The following TLN2 variants were observed in gnomAD, a reference collection of about 807,000 sequenced individuals.
TLN2 encodes the protein talin 2, also known as talin-2.
A neutral mutation model predicts 294.7 loss-of-function variants in TLN2; 118 were observed. That is an observed-to-expected ratio of 0.40 (90% CI 0.34 to 0.47). TLN2 has a LOEUF of 0.47. Ranked by LOEUF, TLN2 falls within the 20% of genes least tolerant of loss-of-function variation. The pLI is 0.84. For missense variants in TLN2, 3,083 were observed against 3,282.2 expected (o/e 0.94, Z 1.48); for synonymous variants, 1,431 against 1,304.5 (o/e 1.10, Z -2.09).
In TLN2 at chr15:62,553,953, G is replaced by A. The variant is rs973814691; in HGVS notation, c.-237-35734G>A. Among the ~76,000 whole-genome samples, 4 of 107,548 alleles carry A rather than the reference G, an allele frequency of 3.7e-5. No homozygotes were observed. In the Admixed American group the frequency reaches 3.9e-4, roughly 11 times the overall value. 70.6% of individuals were successfully genotyped at this position (107,548 alleles called of 152,430 possible). A position where few individuals can be genotyped will look rare whatever the true frequency, so the allele number is the denominator to read the frequency against. On this transcript the variant is annotated intron_variant, in intron 1 of 58. Transcript: ENST00000636159. ...TAATCTAATCTTTTTTTTTTTTTTTGCCAGTAGCTAGAGCTACAGAACATA... is the reference window on the plus strand; with the variant it reads ...TAATCTAATCTTTTTTTTTTTTTTTACCAGTAGCTAGAGCTACAGAACATA...
intron 1 of TLN2, among the ~76,000 whole-genome samples, chr15:62,589,375 A>G (rs1262482158): frequency 6.6e-6 from 1 of 152,214 alleles, no homozygotes; most frequent in African/African-American, 2.4e-5. Flanking sequence ...TTCGACATTG[A>G]GGGAGGTGGA....
intron 1 of TLN2, among the ~76,000 whole-genome samples, chr15:62,577,801 G>A (rs142369009): frequency 0.013 from 1,923 of 152,100 alleles, 39 homozygotes; most frequent in African/African-American, 0.044. Flanking sequence ...CCATCAACTC[G>A]TCATTTACAT....
At chr15:62,726,278 G>C (rs796968057) in intron 27 of TLN2, among the ~76,000 whole-genome samples, 3 of 152,298 alleles carry the variant, frequency 2.0e-5, no homozygotes, top group South Asian at 4.1e-4. Flanking sequence ...AATGGACCAG[G>C]CTCTATTTTT....
intron 1 of TLN2, among the ~76,000 whole-genome samples, chr15:62,568,776 G>A (rs1252703663): frequency 6.6e-6 from 1 of 152,188 alleles, no homozygotes; most frequent in East Asian, 1.9e-4. Flanking sequence ...GTCCTCCTGA[G>A]CTCTCCTGCA....
chr15:62,646,481 CT>C (rs1245188360), intron 3 of TLN2, among the ~76,000 whole-genome samples: 1 of 152,138 alleles, frequency 6.6e-6, no homozygotes, highest in Non-Finnish European at 1.5e-5. Flanking sequence ...TTTTCTGAAA[CT>C]ATTGAACTGG....
intron 1 of TLN2, chr15:62,476,459 T>C (rs2140372809): frequency 6.6e-6 from 1 of 152,350 alleles, no homozygotes; most frequent in East Asian, 1.9e-4. Context: ...TCTAGACCTG[T>C]GGCATCTCCA....
At chr15:62,584,601 C>T (rs1034601219) in intron 1 of TLN2, among the ~76,000 whole-genome samples, 1 of 152,196 alleles carries the variant, frequency 6.6e-6, no homozygotes, top group African/African-American at 2.4e-5. Context: ...CTTGGAGTCT[C>T]ATATCTTCTG....
At chr15:62,813,024 G>C (rs1287922872) in intron 52 of TLN2, among the ~76,000 whole-genome samples, 1 of 152,208 alleles carries the variant, frequency 6.6e-6, no homozygotes, top group Non-Finnish European at 1.5e-5. Context: ...CACCATCACA[G>C]GTCATTCAGG....
At chr15:62,829,146 AG>A (rs2141236426) in intron 54 of TLN2, 1 of 98,126 alleles carries the variant, frequency 1.0e-5, no homozygotes, top group African/African-American at 3.8e-5. Context: ...GGTACATAGT[AG>A]GTATATATAT....
intron 1 of TLN2, among the ~76,000 whole-genome samples, chr15:62,489,084 C>G (rs1468513545): frequency 1.3e-5 from 2 of 152,160 alleles, no homozygotes; most frequent in African/African-American, 4.8e-5. Context: ...TCACTTGAAC[C>G]TGGCAGGGTG....
At chr15:62,688,597 C>T (rs951726116) in intron 12 of TLN2, among the ~76,000 whole-genome samples, 7 of 152,036 alleles carry the variant, frequency 4.6e-5, no homozygotes, top group East Asian at 1.9e-4. Flanking sequence ...TCTCAGTTGC[C>T]GAGAGTGAGG....
chr15:62,810,255 C>G (rs2066589707), intron 52 of TLN2, among the ~76,000 whole-genome samples: 1 of 152,064 alleles, frequency 6.6e-6, no homozygotes, highest in African/African-American at 2.4e-5. Context: ...TCAGGAAAGC[C>G]CAGTTCTCTC....
intron 1 of TLN2, among the ~76,000 whole-genome samples, chr15:62,475,387 A>G (rs182829657): frequency 4.7e-4 from 71 of 152,280 alleles, no homozygotes; most frequent in African/African-American, 1.6e-3. Flanking sequence ...AGATCTGCAA[A>G]GTTAGGTGTG....
intron 1 of TLN2, among the ~76,000 whole-genome samples, chr15:62,398,751 G>C (rs2032767913): frequency 6.6e-6 from 1 of 152,144 alleles, no homozygotes; most frequent in African/African-American, 2.4e-5. Context: ...AGATGATTTA[G>C]GGTATCTGGG....
chr15:62,491,831 G>A (rs929530727), intron 1 of TLN2, among the ~76,000 whole-genome samples: 1 of 152,092 alleles, frequency 6.6e-6, no homozygotes, highest in African/African-American at 2.4e-5. Context: ...GCTTCCTGCT[G>A]GAGAGAGGAA....
chr15:62,451,056 T>A (rs1264275800), intron 1 of TLN2, among the ~76,000 whole-genome samples: 1 of 151,980 alleles, frequency 6.6e-6, no homozygotes, highest in Non-Finnish European at 1.5e-5. Flanking sequence ...GTGATTGTCC[T>A]ACCTTGGCCT....
intron 1 of TLN2, among the ~76,000 whole-genome samples, chr15:62,563,001 G>A (rs1012007851): frequency 4.7e-5 from 7 of 149,130 alleles, no homozygotes; most frequent in Admixed American, 1.3e-4. Flanking sequence ...TTGATTGATG[G>A]GCATTTGGGC....
chr15:62,620,520 C>G (rs1181704336), intron 3 of TLN2, among the ~76,000 whole-genome samples: 2 of 151,052 alleles, frequency 1.3e-5, no homozygotes, highest in Non-Finnish European at 2.9e-5. Flanking sequence ...TTTCTGTTGC[C>G]TAAGCTGGAG....
At chr15:62,640,554 C>T (rs947145114) in intron 3 of TLN2, among the ~76,000 whole-genome samples, 1 of 152,116 alleles carries the variant, frequency 6.6e-6, no homozygotes, top group Non-Finnish European at 1.5e-5. Context: ...GAACAAGCCC[C>T]AGGGTGGAAG....
Sources: gnomAD v4.1 joint callset for allele counts (sites outside exome capture counted in the v4.1 genomes callset) on GRCh38, gnomAD v4.1.1 for gene constraint, MANE v1.5 for transcripts, NCBI Gene and HGNC (gene_info 2026-07-23, HGNC 2026-07-21) for gene names.